PTPRM: variants seen among roughly 807,000 people sequenced by gnomAD.
PTPRM encodes the protein protein tyrosine phosphatase receptor type M, also known as receptor-type tyrosine-protein phosphatase mu.
A neutral mutation model predicts 186.7 loss-of-function variants in PTPRM; 47 were observed. The ratio of observed to expected loss-of-function variants is 0.25; its 90% CI spans 0.20 to 0.32. PTPRM has a LOEUF of 0.32. Among genes scored for constraint, PTPRM ranks in the 10% least tolerant of loss-of-function variants. The pLI is 1.00. For missense variants in PTPRM, 1,494 were observed against 1,865.0 expected, an observed-to-expected ratio of 0.80 and a Z score of 3.66; for synonymous variants, 668 against 674.9, an observed-to-expected ratio of 0.99 and a Z score of 0.16.
intron 7 of PTPRM, among the ~76,000 whole-genome samples, chr18:8,017,314 G>A (rs763054227): frequency 8.5e-5 from 13 of 152,060 alleles, no homozygotes; most frequent in African/African-American, 1.2e-4. Context: ...TGAGGCAGGC[G>A]GATCACAAGG....
chr18:7,925,806 G>A (rs925239822), intron 4 of PTPRM, among the ~76,000 whole-genome samples: 31 of 152,146 alleles, frequency 2.0e-4, no homozygotes, highest in Non-Finnish European at 2.4e-4. Context: ...CTGACTTACC[G>A]TCCTGGTTCC....
At chr18:8,306,698 C>A (rs190991267) in intron 20 of PTPRM, among the ~76,000 whole-genome samples, 4 of 152,216 alleles carry the variant, frequency 2.6e-5, no homozygotes, top group African/African-American at 9.6e-5. Context: ...ACCCCAATGG[C>A]TAGACCCTGG....
intron 8 of PTPRM, among the ~76,000 whole-genome samples, chr18:8,071,955 A>C (rs554035052): frequency 6.6e-6 from 1 of 152,324 alleles, no homozygotes; most frequent in Non-Finnish European, 1.5e-5. Context: ...ATTTATGTGG[A>C]GAGCTGGTTG....
chr18:8,119,310 TC>T (rs1358853735), intron 13 of PTPRM, among the ~76,000 whole-genome samples: 1 of 152,176 alleles, frequency 6.6e-6, no homozygotes, highest in African/African-American at 2.4e-5. Context: ...GTTTTTCTGT[TC>T]ACTGTTTTGT....
chr18:7,965,033 C>T (rs1220626447), intron 7 of PTPRM, among the ~76,000 whole-genome samples: 1 of 120,230 alleles, frequency 8.3e-6, no homozygotes. Context: ...CACTCTAACA[C>T]TTTTTTTTTT....
At position 8,253,308 on chromosome 18, in the gene PTPRM, C is replaced by A; in HGVS notation, c.2648C>A (p.Pro883His). 1.3e-6 allele frequency: 2 copies of A among 1,598,870 alleles called. No homozygotes were observed. The highest frequency in any genetic ancestry group is 4.6e-5 in the East Asian group (2 of 43,370). ...TYKKREPADVPYQTGQLHPAI... is the reference protein window; with the variant it reads ...TYKKREPADVHYQTGQLHPAI... ...AAGAAGCGAGAGCCGGCCGACGTGC[C>A]CTATCAGACTGGGCAGCTCCACCCC... Residue 883 changes from proline (P) to histidine (H), a missense_variant, in exon 19 of 33, where the codon CCC (proline) becomes CAC (histidine). This residue lies in a region of PTPRM where 1,107 missense variants were observed against 1,350.2 expected (regional missense o/e 0.82). Coordinates refer to ENST00000580170, the MANE Select transcript of PTPRM (RefSeq NM_001105244.2).
intron 13 of PTPRM, among the ~76,000 whole-genome samples, chr18:8,124,829 T>C (rs1270704426): frequency 6.6e-6 from 1 of 152,192 alleles, no homozygotes; most frequent in Non-Finnish European, 1.5e-5. Flanking sequence ...GTATACATTC[T>C]GAAGTCTTCA....
intron 32 of PTPRM, among the ~76,000 whole-genome samples, chr18:8,401,660 G>A (rs1348858714): frequency 1.3e-5 from 2 of 152,260 alleles, no homozygotes; most frequent in Admixed American, 6.5e-5. Context: ...CTGGCCGCCA[G>A]CCTGAGTTCC....
At chr18:8,262,082 A>T (rs995018623) in intron 19 of PTPRM, among the ~76,000 whole-genome samples, 4 of 152,034 alleles carry the variant, frequency 2.6e-5, no homozygotes, top group African/African-American at 9.7e-5. Context: ...CAAACTAGAT[A>T]TTTCACGGTT....
chr18:8,040,423 G>A (rs1231503504), intron 7 of PTPRM, among the ~76,000 whole-genome samples: 4 of 152,150 alleles, frequency 2.6e-5, no homozygotes, highest in Non-Finnish European at 5.9e-5. Flanking sequence ...TTAAAGTTAT[G>A]TGTCAAATCG....
chr18:8,379,146 T>C, intron 27 of PTPRM, 21 bp from the exon 28 acceptor site: 1 of 1,559,998 alleles, frequency 6.4e-7, no homozygotes, highest in Non-Finnish European at 8.7e-7. Context: ...TGTCCTCATG[T>C]TCCTTTCTTT....
intron 14 of PTPRM, among the ~76,000 whole-genome samples, chr18:8,213,699 T>C (rs1568534913): frequency 6.6e-6 from 1 of 152,094 alleles, no homozygotes; most frequent in African/African-American, 2.4e-5. Flanking sequence ...TGACCTCCAG[T>C]TTCTCAGAAA....
At chr18:8,246,805 A>G (rs187488984) in intron 15 of PTPRM, among the ~76,000 whole-genome samples, 56 of 152,358 alleles carry the variant, frequency 3.7e-4, no homozygotes, top group African/African-American at 1.1e-3. Flanking sequence ...CTTTAAAAAT[A>G]TAAACACAGG....
chr18:8,203,229 G>A (rs1304808385), intron 14 of PTPRM, among the ~76,000 whole-genome samples: 7 of 152,198 alleles, frequency 4.6e-5, no homozygotes, highest in Non-Finnish European at 1.0e-4. Flanking sequence ...GATGTAACTG[G>A]TATTGTATAC....
At chr18:8,087,698 A>G (rs553034597) in intron 10 of PTPRM, among the ~76,000 whole-genome samples, 1 of 152,298 alleles carries the variant, frequency 6.6e-6, no homozygotes, top group South Asian at 2.1e-4. Context: ...TTTTAAGAGA[A>G]TTGAAATAAA....
At chr18:7,778,621 A>G (rs975789457) in intron 2 of PTPRM, among the ~76,000 whole-genome samples, 1 of 151,994 alleles carries the variant, frequency 6.6e-6, no homozygotes, top group Non-Finnish European at 1.5e-5. Context: ...CTGGGACTAC[A>G]GGCACCCACC....
Position 8,001,166 on chromosome 18 carries a change from T to C in PTPRM, c.1132+45752T>C, listed in dbSNP as rs183366035. On this transcript the variant is annotated intron_variant, in intron 7 of 32. Transcript: ENST00000580170. ...TGGGTCCAGCAGCTGTACCACCTCT[T>C]GCTGTCTCTGACAGCATTGGCGAGG... Among the ~76,000 whole-genome samples, 26 of 152,320 alleles carry C rather than the reference T, an allele frequency of 1.7e-4. No homozygotes were observed. The East Asian group carries it at 3.7e-3, about 21-fold the overall frequency.
At chr18:7,641,368 A>G (rs560248761) in intron 1 of PTPRM, among the ~76,000 whole-genome samples, 2 of 152,344 alleles carry the variant, frequency 1.3e-5, no homozygotes, top group South Asian at 4.1e-4. Context: ...CATAATATTA[A>G]GAAAAGGAGA....
intron 1 of PTPRM, among the ~76,000 whole-genome samples, chr18:7,658,359 T>TATATATATATATATATATACAC (rs1491198247): frequency 7.3e-6 from 1 of 136,666 alleles, no homozygotes; most frequent in African/African-American, 2.9e-5. Flanking sequence ...TATATATATA[T>TATATATATATATATATATACAC]ACATACACAC....
Sources: gnomAD v4.1 joint callset for allele counts (sites outside exome capture counted in the v4.1 genomes callset) on GRCh38, gnomAD v4.1.1 for gene constraint, gnomAD v4.1.1 regional missense constraint, MANE v1.5 for transcripts, NCBI Gene and HGNC (gene_info 2026-07-23, HGNC 2026-07-21) for gene names.